The following HELZ variants were observed in gnomAD, a reference collection of about 807,000 sequenced individuals.
HELZ encodes helicase with zinc finger.
Under a neutral mutation model 218.2 loss-of-function variants are expected in HELZ, and 23 were observed. The observed-to-expected ratio is 0.11, with a 90% CI of 0.08 to 0.15. HELZ has a LOEUF of 0.15. Ranked by LOEUF, HELZ falls within the 10% of genes least tolerant of loss-of-function variation. The pLI is 1.00. For missense variants in HELZ, 1,813 were observed against 2,353.7 expected, an observed-to-expected ratio of 0.77 and a Z score of 4.75; for synonymous variants, 814 against 829.4, an observed-to-expected ratio of 0.98 and a Z score of 0.32.
chr17:67,114,796 AAAT>A (rs1169917871), intron 27 of HELZ, among the ~76,000 whole-genome samples: 13 of 152,228 alleles, frequency 8.5e-5, no homozygotes, highest in Non-Finnish European at 1.9e-4. Flanking sequence ...GCAAAAATCT[AAAT>A]AACGCCTCAA....
intron 31 of HELZ, among the ~76,000 whole-genome samples, chr17:67,103,730 G>T (rs1308315927): frequency 6.6e-6 from 1 of 152,052 alleles, no homozygotes; most frequent in Non-Finnish European, 1.5e-5. Context: ...TTTTTCTGAA[G>T]AAATTAGTAA....
In HELZ at chr17:67,078,413, C is replaced by T. The variant is rs766516759; in HGVS notation, c.5668G>A (p.Gly1890Ser). ...CTGGCATAGGACATGGCGGGCTTGC[C>T]CCCCGCAGAGCTCTGGGGGCTACTG... Reference protein sequence around the residue: ...NSSSPQSSAGGKPAMSYASAL... With the variant: ...NSSSPQSSAGSKPAMSYASAL... Residue 1890 changes from glycine (G) to serine (S), a missense_variant, in exon 33 of 33, where the codon GGC becomes AGC. This residue lies in a region of HELZ where 938 missense variants were observed against 1,027.5 expected (regional missense o/e 0.91). Coordinates refer to ENST00000358691, the MANE Select transcript of HELZ (RefSeq NM_014877.4). 6.2e-7 allele frequency: 1 copy of T among 1,600,018 alleles called. No individual in the cohort carries two copies. The highest frequency in any genetic ancestry group is 1.8e-5 in the Admixed American group (1 of 55,956).
chr17:67,117,552 C>CTT lies in HELZ; in HGVS notation c.3838+2851_3838+2852dup, dbSNP rs35601947. ...GTGCAAAGACTGTATATACTGAAAA[C>CTT]TTTTTTTTTTTTTTTGAGACAGAGT... On this transcript the variant is annotated intron_variant, in intron 27 of 32. Coordinates refer to ENST00000358691, the MANE Select transcript of HELZ (RefSeq NM_014877.4). 1.1e-3 allele frequency among the ~76,000 whole-genome samples: 151 copies of CTT among 143,058 alleles called. 1 individual carries two copies. Among genetic ancestry groups the CTT allele is most frequent in the Non-Finnish European group, 9.5e-4 (62 of 65,192 alleles). The allele number at this position is 143,058 out of a possible 152,430, so 93.9% of individuals were successfully genotyped here.
At chr17:67,199,178 T>A (rs939112645) in intron 7 of HELZ, among the ~76,000 whole-genome samples, 5 of 151,442 alleles carry the variant, frequency 3.3e-5, no homozygotes, top group African/African-American at 1.2e-4. Context: ...CACTATTAGG[T>A]TGGTGCAAAA....
chr17:67,086,652 A>T (rs1479759025), intron 32 of HELZ, among the ~76,000 whole-genome samples, 177 bp downstream of exon 32: 2 of 139,344 alleles, frequency 1.4e-5, no homozygotes, highest in Non-Finnish European at 3.1e-5. Context: ...ATATATATAT[A>T]TATATATATA....
At chr17:67,217,652 C>T (rs1421618862) in intron 4 of HELZ, among the ~76,000 whole-genome samples, 1 of 152,190 alleles carries the variant, frequency 6.6e-6, no homozygotes, top group African/African-American at 2.4e-5. Context: ...GCCACACTAA[C>T]TCCTAGCTGC....
intron 7 of HELZ, among the ~76,000 whole-genome samples, chr17:67,198,287 T>TCAG (rs1363421339): frequency 3.3e-5 from 5 of 152,194 alleles, no homozygotes; most frequent in Non-Finnish European, 7.3e-5. Context: ...ATTTCAGCAG[T>TCAG]CAGCACCTGT....
At chr17:67,179,452 T>C (rs2144229291) in intron 12 of HELZ, 1 of 152,708 alleles carries the variant, frequency 6.5e-6, no homozygotes, top group Admixed American at 6.5e-5. Flanking sequence ...AAAATATTAA[T>C]GTAAAACACT....
intron 31 of HELZ, among the ~76,000 whole-genome samples, chr17:67,104,128 GTAAAACTA>G (rs1392831402): frequency 1.3e-5 from 2 of 152,042 alleles, no homozygotes; most frequent in South Asian, 2.1e-4. Flanking sequence ...AGTGTAAGAG[GTAAAACTA>G]TAAAACTATA....
chr17:67,086,737 C>T, intron 32 of HELZ, 92 bp downstream of exon 32: 14 of 1,343,556 alleles, frequency 1.0e-5, no homozygotes, highest in Non-Finnish European at 1.5e-5. Flanking sequence ...GATGATAATG[C>T]AAATTGGGGG....
At chr17:67,209,365 A>C (rs1362126779) in intron 5 of HELZ, among the ~76,000 whole-genome samples, 3 of 152,132 alleles carry the variant, frequency 2.0e-5, no homozygotes, top group Admixed American at 2.0e-4. Context: ...TGGGAGGCCG[A>C]GGTGGGTGGA....
At chr17:67,145,954 G>GAA (rs34812114) in intron 20 of HELZ, 64 bp from the exon 21 acceptor site, 4,005 of 1,263,614 alleles carry the variant, frequency 3.2e-3, no homozygotes, top group East Asian at 0.012. Flanking sequence ...TCACCCATAA[G>GAA]AAAAAAAAAA....
intron 13 of HELZ, among the ~76,000 whole-genome samples, chr17:67,175,053 A>G (rs2039416811): frequency 6.6e-6 from 1 of 152,148 alleles, no homozygotes; most frequent in African/African-American, 2.4e-5. Flanking sequence ...TCAAACCACA[A>G]CAAAACATTC....
At position 67,078,533 on chromosome 17, in the gene HELZ, C is replaced by T. The variant is rs774546962; in HGVS notation, c.5548G>A (p.Glu1850Lys). ...CTGTAGTTGAAGGAACTGGACACCT[C>T]GAGGTTCTCCGACTTCAGTTGATCC... Reference protein sequence around the residue: ...PEDQLKSENLEVSSSFNYSVL... With the variant: ...PEDQLKSENLKVSSSFNYSVL... The change falls in exon 33 of 33, where the codon GAG (glutamate) becomes AAG (lysine). Residue 1850 changes from glutamate to lysine, a missense_variant. Physicochemically the swap from Glu to Lys is moderately conservative, Grantham distance 56. Around this residue, in one of 4 missense-constraint regions of HELZ, gnomAD observed 938 missense variants for 1,027.5 expected, o/e 0.91. Transcript: ENST00000358691. 1.5e-5 allele frequency: 23 copies of T among 1,499,436 alleles called. No homozygotes were observed. In the South Asian group the frequency reaches 2.2e-4, roughly 14 times the overall value. 92.9% of individuals were successfully genotyped at this position (1,499,436 alleles called of 1,614,324 possible).
At chr17:67,206,921 GT>G (rs1216610321) in intron 5 of HELZ, among the ~76,000 whole-genome samples, 2 of 131,844 alleles carry the variant, frequency 1.5e-5, no homozygotes, top group Non-Finnish European at 3.3e-5. Context: ...GTTTTTTTGG[GT>G]TTTTTTTGAG....
rs2036008901 is a variant in HELZ at position 67,076,013 on chromosome 17, T to A, written c.*2239A>T. 1 of 152,554 alleles carries A rather than the reference T, an allele frequency of 6.6e-6. No individual in the cohort carries two copies. The highest frequency in any genetic ancestry group is 2.1e-4 in the South Asian group (1 of 4,824). 9.5% of individuals were successfully genotyped at this position (152,554 alleles called of 1,614,324 possible). ...TAACTAAATATAAATATAAATAATT[T>A]AAAAACTGATATTTTTTAAAGATTC... is the stretch of plus-strand genomic sequence containing the variant. On this transcript the variant is annotated 3_prime_UTR_variant, in exon 33 of 33. Transcript: ENST00000358691.
intron 27 of HELZ, among the ~76,000 whole-genome samples, chr17:67,118,465 G>C (rs1479634530): frequency 6.6e-6 from 1 of 151,502 alleles, no homozygotes; most frequent in African/African-American, 2.4e-5. Context: ...TTTTTTTTAA[G>C]ACACAACACC....
At chr17:67,205,428 G>A (rs1273651541) in intron 5 of HELZ, among the ~76,000 whole-genome samples, 2 of 152,142 alleles carry the variant, frequency 1.3e-5, no homozygotes, top group African/African-American at 4.8e-5. Context: ...GGAGGTGACA[G>A]TAGCTACTTC....
chr17:67,109,767 T>G, intron 28 of HELZ, 81 bp from the exon 29 acceptor site: 3 of 986,734 alleles, frequency 3.0e-6, no homozygotes, highest in Non-Finnish European at 3.0e-6. Context: ...CCCTAACACA[T>G]CTAAAGGATA....
Sources: gnomAD v4.1 joint callset for allele counts (sites outside exome capture counted in the v4.1 genomes callset) on GRCh38, gnomAD v4.1.1 for gene constraint, gnomAD v4.1.1 regional missense constraint, MANE v1.5 for transcripts, NCBI Gene and HGNC (gene_info 2026-07-23, HGNC 2026-07-21) for gene names.